KCNN2: variants seen among roughly 807,000 people sequenced by gnomAD.
KCNN2 encodes the protein small conductance calcium-activated potassium channel protein 2.
KCNN2 carries 24 observed loss-of-function variants against 55.5 expected under a neutral mutation model. The ratio of observed to expected loss-of-function variants is 0.43; its 90% CI spans 0.31 to 0.61. The LOEUF is 0.61. Among genes scored for constraint, KCNN2 ranks in the 20% least tolerant of loss-of-function variants. The pLI is 0.08. For synonymous variants in KCNN2, 431 were observed against 336.1 expected (o/e 1.28, Z -3.09); for missense variants, 754 against 853.6 (o/e 0.88, Z 1.45).
chr5:114,300,560 T>C (rs1247068087), intron 2 of KCNN2, among the ~76,000 whole-genome samples: 1 of 152,198 alleles, frequency 6.6e-6, no homozygotes, highest in Non-Finnish European at 1.5e-5. Context: ...ATAAATGTAG[T>C]GAGACCAGAT....
At chr5:114,172,736 C>T in intron 1 of KCNN2, among the ~76,000 whole-genome samples, 1 of 151,214 alleles carries the variant, frequency 6.6e-6, no homozygotes, top group East Asian at 1.9e-4. Context: ...ACTTGTATGT[C>T]TTTTGAGAAA....
chr5:114,139,341 C>G (rs1260464683), intron 1 of KCNN2, among the ~76,000 whole-genome samples: 2 of 151,870 alleles, frequency 1.3e-5, no homozygotes, highest in East Asian at 3.9e-4. Flanking sequence ...TGTGTAAGTG[C>G]TCTAATGTCT....
intron 1 of KCNN2, among the ~76,000 whole-genome samples, chr5:114,162,155 G>C (rs1467288171): frequency 6.6e-6 from 1 of 152,136 alleles, no homozygotes; most frequent in Non-Finnish European, 1.5e-5. Context: ...GGTCTTTGAT[G>C]ATGGTGATGT....
intron 2 of KCNN2, among the ~76,000 whole-genome samples, chr5:114,374,203 G>C (rs1425041542): frequency 1.3e-5 from 2 of 152,084 alleles, no homozygotes; most frequent in Non-Finnish European, 2.9e-5. Flanking sequence ...ACAGCTGACT[G>C]CCTCTCCTCA....
chr5:114,154,929 G>T (rs1436236483), intron 1 of KCNN2, among the ~76,000 whole-genome samples: 2 of 152,042 alleles, frequency 1.3e-5, no homozygotes, highest in African/African-American at 2.4e-5. Context: ...GTACACGTTT[G>T]TTACATAGGC....
At chr5:114,203,835 A>T (rs1057147331) in intron 1 of KCNN2, among the ~76,000 whole-genome samples, 2 of 152,216 alleles carry the variant, frequency 1.3e-5, no homozygotes, top group Non-Finnish European at 2.9e-5. Flanking sequence ...ATATAACTCC[A>T]TTGAACAGCA....
chr5:114,405,754 A>G (rs529020654), intron 3 of KCNN2, among the ~76,000 whole-genome samples: 5 of 150,676 alleles, frequency 3.3e-5, no homozygotes, highest in African/African-American at 9.7e-5. Flanking sequence ...TCTGTCGCCC[A>G]GGCTAGAATG....
rs188410180 is a variant in KCNN2 at position 114,105,193 on chromosome 5, C to T, written c.-271+48693C>T. Among the ~76,000 whole-genome samples the T allele has an allele frequency of 2.5e-3, 384 of 152,094 alleles. 3 individuals are homozygous for T. Among genetic ancestry groups the T allele is most frequent in the Non-Finnish European group, 2.8e-3 (188 of 67,962 alleles). The stretch of plus-strand genomic sequence containing the variant: ...CTATTCCTGTTCATCTTTGCACACC[C>T]CGCAGAGCCTATTTGTTGCCTTGCA... On this transcript the variant is annotated intron_variant, in intron 1 of 10. Coordinates refer to the KCNN2 transcript ENST00000512097.
At chr5:114,142,581 A>C (rs558747889) in intron 1 of KCNN2, among the ~76,000 whole-genome samples, 1 of 152,344 alleles carries the variant, frequency 6.6e-6, no homozygotes, top group African/African-American at 2.4e-5. Flanking sequence ...AATAACAGAC[A>C]AACAGAGAGC....
intron 4 of KCNN2, among the ~76,000 whole-genome samples, chr5:114,472,724 C>CTATTATA (rs1317190764): frequency 6.6e-6 from 1 of 152,076 alleles, no homozygotes; most frequent in African/African-American, 2.4e-5. Flanking sequence ...TTATTTGTTC[C>CTATTATA]TATTATAATT....
chr5:114,406,551 G>A (rs1313256270), intron 3 of KCNN2, among the ~76,000 whole-genome samples: 1 of 147,682 alleles, frequency 6.8e-6, no homozygotes, highest in Non-Finnish European at 1.5e-5. Flanking sequence ...TTTTTTTTCT[G>A]GAAGAAATAG....
intron 5 of KCNN2, among the ~76,000 whole-genome samples, chr5:114,477,142 G>T (rs1190395849): frequency 1.0e-5 from 1 of 98,944 alleles, no homozygotes; most frequent in Non-Finnish European, 2.5e-5. Context: ...ACATTATCTA[G>T]AAAGAAATCA....
chr5:114,300,641 T>C (rs955345486), intron 2 of KCNN2, among the ~76,000 whole-genome samples: 18 of 152,232 alleles, frequency 1.2e-4, no homozygotes, highest in African/African-American at 3.1e-4. Flanking sequence ...TGTTCTCAGT[T>C]ATTTGCTTTT....
Position 114,141,625 on chromosome 5 carries a change from A to G in KCNN2, c.-270-79855A>G, listed in dbSNP as rs144529173. Among the ~76,000 whole-genome samples, 433 of 152,290 alleles carry G rather than the reference A, an allele frequency of 2.8e-3. 1 individual carries two copies. Among genetic ancestry groups the G allele is most frequent in the African/African-American group, 0.01 (416 of 41,558 alleles). Reference sequence around the variant, plus strand: ...ATGTTTCTTTATAGCAGCATGATTTATAATGCTTTGGGTATATACCCAGTA... The same window carrying G: ...ATGTTTCTTTATAGCAGCATGATTTGTAATGCTTTGGGTATATACCCAGTA... On this transcript the variant is annotated intron_variant, in intron 1 of 10. Transcript: ENST00000512097.
chr5:114,432,968 C>G (rs1307589272), intron 3 of KCNN2, among the ~76,000 whole-genome samples: 1 of 152,174 alleles, frequency 6.6e-6, no homozygotes, highest in Admixed American at 6.5e-5. Context: ...CTCCCACCCC[C>G]TCCATGGGCT....
chr5:114,099,136 A>G (rs1316506368), intron 1 of KCNN2, among the ~76,000 whole-genome samples: 2 of 152,150 alleles, frequency 1.3e-5, no homozygotes, highest in African/African-American at 2.4e-5. Flanking sequence ...TCTTTTGACA[A>G]AAAACGTACC....
At chr5:114,119,398 G>A (rs766645876) in intron 1 of KCNN2, among the ~76,000 whole-genome samples, 128 of 152,194 alleles carry the variant, frequency 8.4e-4, no homozygotes, top group Non-Finnish European at 2.1e-4. Flanking sequence ...TTTTAGATAC[G>A]AAGCTTTTTT....
At chr5:114,147,021 A>G (rs891898557) in intron 1 of KCNN2, among the ~76,000 whole-genome samples, 8 of 152,200 alleles carry the variant, frequency 5.3e-5, no homozygotes, top group African/African-American at 1.9e-4. Flanking sequence ...TGAGTCAGAG[A>G]CAATATTAAG....
chr5:114,127,661 T>C (rs1751966388), intron 1 of KCNN2, among the ~76,000 whole-genome samples: 1 of 152,222 alleles, frequency 6.6e-6, no homozygotes. Context: ...TTCAGCTCCT[T>C]GTTTTTTATG....
Sources: gnomAD v4.1 joint callset for allele counts (sites outside exome capture counted in the v4.1 genomes callset) on GRCh38, gnomAD v4.1.1 for gene constraint, MANE v1.5 for transcripts, NCBI Gene and HGNC (gene_info 2026-07-23, HGNC 2026-07-21) for gene names.